TMEM181: variants seen among roughly 807,000 people sequenced by gnomAD.
The protein encoded by TMEM181 is transmembrane protein 181, also known as G protein-coupled receptor 178.
TMEM181 carries 39 observed loss-of-function variants against 71.9 expected under a neutral mutation model. That is an observed-to-expected ratio of 0.54 (90% CI 0.42 to 0.71). The LOEUF is 0.71. Ranked by LOEUF, TMEM181 falls within the 30% of genes least tolerant of loss-of-function variation. The pLI, the probability that TMEM181 is intolerant of heterozygous loss-of-function variation, is 0.00. For missense variants in TMEM181, 595 were observed against 583.0 expected, an observed-to-expected ratio of 1.02 and a Z score of -0.21; for synonymous variants, 245 against 228.8, an observed-to-expected ratio of 1.07 and a Z score of -0.64.
At chr6:158,576,789 G>C (rs980682312) in intron 2 of TMEM181, among the ~76,000 whole-genome samples, 1 of 152,092 alleles carries the variant, frequency 6.6e-6, no homozygotes, top group Admixed American at 6.5e-5. Flanking sequence ...GCGGCCGGGC[G>C]TGGTGGCTCA....
Position 158,577,549 on chromosome 6 carries a change from G to A in TMEM181, c.113-3391G>A, listed in dbSNP as rs117956057. ...GAGAATATTTCAAGCGGTGATGACT[G>A]AAAACTTCCCATATTTGGTGAATGT... On this transcript the variant is annotated intron_variant, in intron 2 of 16. Coordinates refer to ENST00000684151, the MANE Select transcript of TMEM181 (RefSeq NM_001376852.1). Among the ~76,000 whole-genome samples the A allele has an allele frequency of 2.5e-4, 38 of 152,334 alleles. No individual in the cohort carries two copies. The East Asian group carries it at 7.3e-3, about 29-fold the overall frequency.
At chr6:158,574,195 T>C (rs1783033023) in intron 2 of TMEM181, among the ~76,000 whole-genome samples, 2 of 152,206 alleles carry the variant, frequency 1.3e-5, no homozygotes, top group Admixed American at 6.5e-5. Flanking sequence ...ATTTAATTGA[T>C]TGACTTAATA....
At position 158,617,595 on chromosome 6, in the gene TMEM181, G is replaced by A. The variant is rs571047346; in HGVS notation, c.897-5955G>A. ...AGGGTGTCAATTTTAGATCTTTCCC[G>A]CTTTCTCTTGTGGGCATTTAGTGCT... On this transcript the variant is annotated intron_variant, in intron 10 of 16. Transcript: ENST00000684151. Among the ~76,000 whole-genome samples the A allele has an allele frequency of 2.6e-4, 39 of 152,190 alleles. 1 individual carries two copies. Among genetic ancestry groups the A allele is most frequent in the Admixed American group, 2.2e-3 (33 of 15,288 alleles).
chr6:158,626,376 T>G (rs1049297280), intron 13 of TMEM181: 1 of 456,440 alleles, frequency 2.2e-6, no homozygotes, highest in Non-Finnish European at 4.4e-6. Flanking sequence ...TGTCTGTTTC[T>G]CCTAAAATCA....
At chr6:158,536,794 C>T in exon 1 of TMEM181, 2 of 1,564,128 alleles carry the variant, frequency 1.3e-6, no homozygotes, top group Non-Finnish European at 1.7e-6. Flanking sequence ...AGCACCTGTG[C>T]CGGCGGCTGC....
At chr6:158,563,526 AGGTTCCTAACCACCAGGCTGCACTGCCT>A (rs944089547) in intron 1 of TMEM181, among the ~76,000 whole-genome samples, 13 of 152,344 alleles carry the variant, frequency 8.5e-5, no homozygotes, top group African/African-American at 3.1e-4. Flanking sequence ...CCCCCAGCCC[AGGTTCCTAACCACCAGGCTGCACTGCCT>A]GGAGCCTCCT....
chr6:158,571,313 G>A (rs1267444475), intron 1 of TMEM181, among the ~76,000 whole-genome samples: 2 of 150,516 alleles, frequency 1.3e-5, no homozygotes, highest in Non-Finnish European at 2.9e-5. Context: ...TAGCAGGATG[G>A]TCTCGATCTC....
At chr6:158,626,758 A>ATAGAGGCTCACTCAC (rs2128329717) in intron 13 of TMEM181, 1 of 437,020 alleles carries the variant, frequency 2.3e-6, no homozygotes. Context: ...ACAACCTCAC[A>ATAGAGGCTCACTCAC]ACCTCACATA....
intron 6 of TMEM181, 69 bp from the exon 7 acceptor site, chr6:158,605,198 A>G: frequency 9.0e-7 from 1 of 1,116,470 alleles, no homozygotes. Flanking sequence ...AACTATTAGT[A>G]ATCTGGTGTA....
At chr6:158,568,040 C>T (rs1782607193) in intron 1 of TMEM181, among the ~76,000 whole-genome samples, 1 of 151,882 alleles carries the variant, frequency 6.6e-6, no homozygotes, top group Non-Finnish European at 1.5e-5. Flanking sequence ...CAGCAGCTGG[C>T]AGGAGTTTTT....
intron 1 of TMEM181, among the ~76,000 whole-genome samples, chr6:158,553,869 G>T (rs1781793725): frequency 6.6e-6 from 1 of 152,016 alleles, no homozygotes; most frequent in African/African-American, 2.4e-5. Flanking sequence ...CGTCCAACAG[G>T]TCCTCAAATG....
At chr6:158,577,441 T>C (rs1303449645) in intron 2 of TMEM181, among the ~76,000 whole-genome samples, 3 of 152,098 alleles carry the variant, frequency 2.0e-5, no homozygotes, top group African/African-American at 7.2e-5. Context: ...GAACAGAGAC[T>C]GAGGGACCTT....
chr6:158,575,911 T>C (rs1582970320), intron 2 of TMEM181, among the ~76,000 whole-genome samples: 1 of 152,232 alleles, frequency 6.6e-6, no homozygotes, highest in Non-Finnish European at 1.5e-5. Flanking sequence ...TTGATAGTGA[T>C]ACGTTTTGGA....
intron 10 of TMEM181, among the ~76,000 whole-genome samples, chr6:158,609,034 G>C (rs576431104): frequency 1.3e-4 from 19 of 151,688 alleles, no homozygotes. Context: ...CGAGGCACAG[G>C]TTGCAATGAG....
chr6:158,610,895 A>G (rs982423398), intron 10 of TMEM181: 2 of 401,706 alleles, frequency 5.0e-6, no homozygotes, highest in African/African-American at 4.2e-5. Flanking sequence ...TAGTGAAGGA[A>G]GAAGGCTCTG....
chr6:158,590,704 C>T (rs970901567), intron 6 of TMEM181, among the ~76,000 whole-genome samples: 10 of 152,172 alleles, frequency 6.6e-5, no homozygotes, highest in Non-Finnish European at 1.5e-4. Context: ...CCTGGTGATC[C>T]GCCCACCTTG....
intron 11 of TMEM181, 74 bp downstream of exon 11, chr6:158,623,681 A>C: frequency 8.9e-7 from 1 of 1,125,130 alleles, no homozygotes. Context: ...TTTGTGACTT[A>C]AATTGTTCTG....
At chr6:158,578,537 G>A (rs977576203) in intron 2 of TMEM181, among the ~76,000 whole-genome samples, 1 of 152,142 alleles carries the variant, frequency 6.6e-6, no homozygotes, top group African/African-American at 2.4e-5. Context: ...TATAAAGATA[G>A]GCTTTTGTCA....
Position 158,623,526 on chromosome 6 carries a change from ATTAT to A in TMEM181, c.897-19_897-16del. The A allele has an allele frequency of 1.4e-6, 2 of 1,433,798 alleles. No individual in the cohort carries two copies. The highest frequency in any genetic ancestry group is 2.4e-5 in the East Asian group (1 of 41,560). 88.8% of individuals were successfully genotyped at this position (1,433,798 alleles called of 1,614,324 possible). A position where few individuals can be genotyped will look rare whatever the true frequency, so the allele number is the denominator to read the frequency against. On this transcript the variant is annotated intron_variant, in intron 10 of 16. Transcript: ENST00000684151. ...AAGTAAAGGTAGTTATTAATCTATA[ATTAT>A]TTATAATGTCAATTTTTAGAGTTAA... is the stretch of plus-strand genomic sequence containing the variant.
Sources: gnomAD v4.1 joint callset for allele counts (sites outside exome capture counted in the v4.1 genomes callset) on GRCh38, gnomAD v4.1.1 for gene constraint, MANE v1.5 for transcripts, NCBI Gene and HGNC (gene_info 2026-07-23, HGNC 2026-07-21) for gene names.